PTPN4: variants seen among roughly 807,000 people sequenced by gnomAD.
The protein encoded by PTPN4 is protein tyrosine phosphatase non-receptor type 4, also known as tyrosine-protein phosphatase non-receptor type 4.
PTPN4 carries 49 observed loss-of-function variants against 135.5 expected under a neutral mutation model. The ratio of observed to expected loss-of-function variants is 0.36; its 90% CI spans 0.29 to 0.46. The LOEUF is 0.46. Ranked by LOEUF, PTPN4 falls within the 20% of genes least tolerant of loss-of-function variation. PTPN4 has a pLI of 1.00. For missense variants in PTPN4, 860 were observed against 1,101.0 expected (o/e 0.78, Z 3.10); for synonymous variants, 333 against 369.9 (o/e 0.90, Z 1.14).
chr2:119,854,186 C>T (rs937190615), intron 2 of PTPN4, among the ~76,000 whole-genome samples: 2 of 152,090 alleles, frequency 1.3e-5, no homozygotes, highest in Admixed American at 1.3e-4. Context: ...TGATGTCCTG[C>T]ACACGCGGAG....
Position 119,804,062 on chromosome 2 carries a change from G to A in PTPN4, c.-17-5775G>A, listed in dbSNP as rs145260288. Among the ~76,000 whole-genome samples the A allele has an allele frequency of 1.3e-4, 20 of 152,120 alleles. No individual in the cohort carries two copies. The East Asian group carries it at 3.7e-3, about 28-fold the overall frequency. ...ATGTGAGGAGAGTTTCTGGAAGACA[G>A]CATTATAGCTGGGCCATGTACCCCA... On this transcript the variant is annotated intron_variant, in intron 1 of 26. Transcript: ENST00000263708.
chr2:119,805,734 T>C (rs185038796), intron 1 of PTPN4, among the ~76,000 whole-genome samples: 2 of 152,326 alleles, frequency 1.3e-5, no homozygotes, highest in East Asian at 3.9e-4. Flanking sequence ...AGCTTTGTTC[T>C]TTTTGCTTAG....
intron 3 of PTPN4, among the ~76,000 whole-genome samples, chr2:119,865,611 G>T (rs937581596): frequency 6.6e-6 from 1 of 152,016 alleles, no homozygotes; most frequent in Non-Finnish European, 1.5e-5. Context: ...ATATTAAGGA[G>T]AGGAGGTAAC....
chr2:119,942,822 A>G (rs940511410), intron 15 of PTPN4, among the ~76,000 whole-genome samples: 2 of 152,176 alleles, frequency 1.3e-5, no homozygotes, highest in African/African-American at 4.8e-5. Context: ...ATTCTAATCC[A>G]TGGAAACATT....
At chr2:119,787,815 G>C (rs1691073225) in intron 1 of PTPN4, among the ~76,000 whole-genome samples, 1 of 152,142 alleles carries the variant, frequency 6.6e-6, no homozygotes, top group Non-Finnish European at 1.5e-5. Context: ...TTGGTTGAAA[G>C]CATCAGGTAT....
intron 1 of PTPN4, among the ~76,000 whole-genome samples, chr2:119,783,267 A>G (rs1690978554): frequency 6.6e-6 from 1 of 152,194 alleles, no homozygotes; most frequent in Non-Finnish European, 1.5e-5. Flanking sequence ...TAAAACAACA[A>G]CAAAACTATT....
chr2:119,909,617 A>G (rs1009234793), intron 10 of PTPN4, among the ~76,000 whole-genome samples: 1 of 152,120 alleles, frequency 6.6e-6, no homozygotes, highest in Non-Finnish European at 1.5e-5. Context: ...TAAGAAACAT[A>G]TTTTGTAAGG....
chr2:119,964,398 A>G (rs879069477), intron 24 of PTPN4, among the ~76,000 whole-genome samples: 3 of 152,238 alleles, frequency 2.0e-5, no homozygotes, highest in South Asian at 2.1e-4. Context: ...TGGCTCTCCA[A>G]AAAGAATTAA....
At chr2:119,768,397 G>A (rs1016719574) in intron 1 of PTPN4, among the ~76,000 whole-genome samples, 4 of 152,142 alleles carry the variant, frequency 2.6e-5, no homozygotes, top group African/African-American at 4.8e-5. Context: ...ACTGAGATCC[G>A]AGTGTTCAGT....
At chr2:119,863,943 A>G (rs1456648311) in intron 3 of PTPN4, among the ~76,000 whole-genome samples, 2 of 152,104 alleles carry the variant, frequency 1.3e-5, no homozygotes, top group African/African-American at 4.8e-5. Flanking sequence ...CCCAGGTTGA[A>G]CCTAAAATAA....
At chr2:119,813,475 G>A (rs1295809077) in intron 2 of PTPN4, among the ~76,000 whole-genome samples, 13 of 151,514 alleles carry the variant, frequency 8.6e-5, no homozygotes, top group Admixed American at 7.9e-4. Flanking sequence ...TTGAACTCCC[G>A]ACCTCAGGTG....
intron 18 of PTPN4, among the ~76,000 whole-genome samples, chr2:119,947,626 G>A (rs865862031): frequency 3.7e-4 from 57 of 152,014 alleles, no homozygotes; most frequent in African/African-American, 1.1e-3. Flanking sequence ...TTATGTGATT[G>A]TTTGATTCCT....
At chr2:119,946,062 G>A (rs929859320) in intron 16 of PTPN4, among the ~76,000 whole-genome samples, 3 of 151,956 alleles carry the variant, frequency 2.0e-5, no homozygotes, top group Admixed American at 6.6e-5. Flanking sequence ...CAGATTCTAC[G>A]GATATAGCAA....
intron 2 of PTPN4, among the ~76,000 whole-genome samples, chr2:119,840,698 CCCA>C (rs751139390): frequency 2.0e-5 from 3 of 152,206 alleles, no homozygotes; most frequent in Non-Finnish European, 2.9e-5. Flanking sequence ...AATTTACACT[CCCA>C]CCAACAGTGT....
At chr2:119,870,689 A>C (rs533487600) in intron 3 of PTPN4, among the ~76,000 whole-genome samples, 2 of 152,228 alleles carry the variant, frequency 1.3e-5, no homozygotes, top group African/African-American at 4.8e-5. Flanking sequence ...AACATAGTTT[A>C]TTATAATGAT....
intron 12 of PTPN4, 115 bp from the exon 13 acceptor site, chr2:119,926,483 C>A: frequency 1.6e-6 from 1 of 618,502 alleles, no homozygotes; most frequent in East Asian, 3.0e-5. Flanking sequence ...GCTTCCTTTT[C>A]TCTGCTAGAA....
chr2:119,895,670 C>T (rs949379357), intron 9 of PTPN4, among the ~76,000 whole-genome samples: 1 of 151,900 alleles, frequency 6.6e-6, no homozygotes, highest in Non-Finnish European at 1.5e-5. Context: ...GCCTGTAATC[C>T]CAGCACTTTG....
chr2:119,796,132 C>T (rs1158872790), intron 1 of PTPN4, among the ~76,000 whole-genome samples: 2 of 68,136 alleles, frequency 2.9e-5, no homozygotes, highest in Non-Finnish European at 5.9e-5. Flanking sequence ...ATGCAGGACA[C>T]AAGGGACCCA....
At chr2:119,905,840 A>C (rs1678479971) in intron 10 of PTPN4, among the ~76,000 whole-genome samples, 1 of 152,170 alleles carries the variant, frequency 6.6e-6, no homozygotes, top group South Asian at 2.1e-4. Flanking sequence ...CATGGAAATT[A>C]AACAACACTC....
Sources: allele counts gnomAD v4.1 joint callset (sites outside exome capture counted in the v4.1 genomes callset), GRCh38; gene constraint gnomAD v4.1.1; transcripts MANE v1.5; gene names NCBI Gene and HGNC (gene_info 2026-07-23, HGNC 2026-07-21).